The following CUX2 variants were observed in gnomAD, a reference collection of about 807,000 sequenced individuals.
CUX2 encodes cut like homeobox 2, also known as homeobox protein cut-like 2.
In CUX2, 40 loss-of-function variants were observed where a neutral mutation model predicts 144.8. The observed-to-expected ratio is 0.28, with a 90% CI of 0.21 to 0.36. The LOEUF (loss-of-function observed/expected upper bound fraction) is 0.36, where lower values mean the gene tolerates loss of function less well. Among genes scored for constraint, CUX2 ranks in the 10% least tolerant of loss-of-function variants. The pLI is 1.00. For synonymous variants in CUX2, 827 were observed against 875.6 expected (o/e 0.94, Z 0.98); for missense variants, 1,615 against 1,994.0 (o/e 0.81, Z 3.62).
chr12:111,255,127 G>A lies in CUX2; in HGVS notation c.223-8634G>A, dbSNP rs111282541. Among the ~76,000 whole-genome samples the A allele has an allele frequency of 0.055, 8,322 of 152,132 alleles. 751 individuals are homozygous for A. The highest frequency in any genetic ancestry group is 0.19 in the African/African-American group (7,839 of 41,464). ...GCTGGGATTACAGGCGTGAGCCACC[G>A]CACCCAACCTTAATCAGTCTTTAGA... On this transcript the variant is annotated intron_variant, in intron 3 of 21. Coordinates refer to ENST00000261726, the MANE Select transcript of CUX2 (RefSeq NM_015267.4). This position sits in a 1 kb window ranked among gnomAD's most constrained non-coding sequence, Gnocchi z 4.1.
At chr12:111,089,899 C>T (rs1456640661) in intron 1 of CUX2, among the ~76,000 whole-genome samples, 3 of 152,184 alleles carry the variant, frequency 2.0e-5, no homozygotes, top group African/African-American at 7.2e-5. Context: ...TCAGGGGGCT[C>T]ATGGGCAGAT....
intron 1 of CUX2, among the ~76,000 whole-genome samples, chr12:111,174,313 G>A (rs1035635704): frequency 3.9e-5 from 6 of 152,220 alleles, no homozygotes; most frequent in Non-Finnish European, 7.3e-5. Context: ...GGCATGGAGA[G>A]GCACGGGACG....
chr12:111,169,883 C>T (rs1260746622), intron 1 of CUX2, among the ~76,000 whole-genome samples: 1 of 151,958 alleles, frequency 6.6e-6, no homozygotes, highest in Admixed American at 6.6e-5. Flanking sequence ...CCAGGGTGGT[C>T]CAGAGGGCAT....
Position 111,191,658 on chromosome 12 carries a change from G to A in CUX2, c.64-22542G>A, listed in dbSNP as rs150546698. On this transcript the variant is annotated intron_variant, in intron 1 of 21. Transcript: ENST00000261726. ...TGTTATTCTTATGACTGGTCTGCCCGTGCCCAGGTTCTCTCCACCTGCCTT... is the reference window on the plus strand; with the variant it reads ...TGTTATTCTTATGACTGGTCTGCCCATGCCCAGGTTCTCTCCACCTGCCTT... Among the ~76,000 whole-genome samples the A allele has an allele frequency of 1.1e-3, 160 of 152,242 alleles. 1 individual carries two copies. Among genetic ancestry groups the A allele is most frequent in the African/African-American group, 3.3e-3 (138 of 41,532 alleles).
chr12:111,266,022 T>C (rs1884367551), intron 4 of CUX2, among the ~76,000 whole-genome samples: 1 of 152,190 alleles, frequency 6.6e-6, no homozygotes, highest in South Asian at 2.1e-4. Flanking sequence ...GGGGCAACTG[T>C]AGTGGGTTGG....
chr12:111,277,247 G>A lies in CUX2; in HGVS notation c.301+13408G>A, dbSNP rs979522492. Among the ~76,000 whole-genome samples, 5 of 152,156 alleles carry A rather than the reference G, an allele frequency of 3.3e-5. No homozygotes were observed. The highest frequency in any genetic ancestry group is 6.5e-5 in the Admixed American group (1 of 15,280). On this transcript the variant is annotated intron_variant, in intron 4 of 21. Coordinates refer to ENST00000261726, the MANE Select transcript of CUX2 (RefSeq NM_015267.4). The surrounding 1 kb of genome is among the most constrained non-coding windows in gnomAD (Gnocchi z 5.0). ...CCGCCCTCCCAGCCTGCGCAGGGAG[G>A]GGAAAGGAGATTGGCACTGGGCGTC...
At chr12:111,227,997 G>A (rs1237470777) in intron 3 of CUX2, among the ~76,000 whole-genome samples, 2 of 152,294 alleles carry the variant, frequency 1.3e-5, no homozygotes, top group Non-Finnish European at 2.9e-5. Flanking sequence ...CGTTACGGTT[G>A]AGTTTCACAA....
At chr12:111,172,567 G>C (rs1015219507) in intron 1 of CUX2, among the ~76,000 whole-genome samples, 1 of 152,224 alleles carries the variant, frequency 6.6e-6, no homozygotes, top group Non-Finnish European at 1.5e-5. Context: ...CTCCGGGAGG[G>C]TGGTTCAGTG....
intron 1 of CUX2, among the ~76,000 whole-genome samples, chr12:111,097,853 G>A (rs1872920230): frequency 6.6e-6 from 1 of 152,198 alleles, no homozygotes; most frequent in Admixed American, 6.5e-5. Context: ...AGGCTCCAGG[G>A]CGTGTGAGTC....
At chr12:111,258,771 G>A (rs1883962479) in intron 3 of CUX2, among the ~76,000 whole-genome samples, 1 of 152,068 alleles carries the variant, frequency 6.6e-6, no homozygotes, top group South Asian at 2.1e-4. Flanking sequence ...CTGCAGCCTC[G>A]AACTCCTGGG....
intron 6 of CUX2, among the ~76,000 whole-genome samples, chr12:111,294,623 G>A (rs564033251): frequency 4.6e-5 from 7 of 151,550 alleles, no homozygotes; most frequent in South Asian, 2.1e-4. Context: ...CAGGCCGGGC[G>A]TGGTGGCTCA....
chr12:111,094,351 G>T (rs1398358418), intron 1 of CUX2, among the ~76,000 whole-genome samples: 1 of 152,228 alleles, frequency 6.6e-6, no homozygotes, highest in Non-Finnish European at 1.5e-5. Flanking sequence ...GGGACCGGGA[G>T]CGGGCAGAGG....
chr12:111,127,989 T>G (rs1016343194), intron 1 of CUX2, among the ~76,000 whole-genome samples: 8 of 152,194 alleles, frequency 5.3e-5, no homozygotes, highest in African/African-American at 1.9e-4. Flanking sequence ...ATTATTACAA[T>G]TCAAGGTGAG....
At position 111,307,262 on chromosome 12, in the gene CUX2, C is replaced by T. The variant is rs1886635006; in HGVS notation, c.1109+5C>T. On this transcript the variant is annotated splice_donor_5th_base_variant and intron_variant, in intron 12 of 21. Transcript: ENST00000261726. The surrounding 1 kb of genome is among the most constrained non-coding windows in gnomAD (Gnocchi z 4.1). ...GGAAATTAAAACGGAGCTGAGGTAC[C>T]ATGTGGGGTGGGGCTCCACAGACCC... 6.2e-7 allele frequency: 1 copy of T among 1,613,716 alleles called. No individual in the cohort carries two copies. Among genetic ancestry groups the T allele is most frequent in the African/African-American group, 1.3e-5 (1 of 74,934 alleles).
At chr12:111,167,208 C>T (rs905784537) in intron 1 of CUX2, among the ~76,000 whole-genome samples, 2 of 152,170 alleles carry the variant, frequency 1.3e-5, no homozygotes, top group African/African-American at 4.8e-5. Flanking sequence ...AAGGGAAGCA[C>T]CATCCCCTGT....
chr12:111,207,595 T>A (rs1432569963), intron 1 of CUX2, among the ~76,000 whole-genome samples: 1 of 152,172 alleles, frequency 6.6e-6, no homozygotes, highest in Non-Finnish European at 1.5e-5. Context: ...CATCTTTGTT[T>A]CTGAAACCTG....
intron 1 of CUX2, among the ~76,000 whole-genome samples, chr12:111,046,063 C>T (rs1202104102): frequency 6.6e-6 from 1 of 152,172 alleles, no homozygotes; most frequent in African/African-American, 2.4e-5. Context: ...CACCTGAACT[C>T]CAGCCAGGTG....
chr12:111,254,942 C>T (rs1013417010), intron 3 of CUX2, among the ~76,000 whole-genome samples: 6 of 152,148 alleles, frequency 3.9e-5, no homozygotes, highest in South Asian at 2.1e-4. Context: ...CTCTGCCTCC[C>T]GGGTTCAAGA....
At position 111,037,941 on chromosome 12, in the gene CUX2, T is replaced by G. The variant is rs1485359398; in HGVS notation, c.63+3701T>G. ...TGTTTCTGGGGAGAAAGGAGCTTGG[T>G]CAATAGGATTACATAGTACTAATCT... On this transcript the variant is annotated intron_variant, in intron 1 of 21. Transcript: ENST00000261726. This position sits in a 1 kb window ranked among gnomAD's most constrained non-coding sequence, Gnocchi z 5.4. Among the ~76,000 whole-genome samples, 1 of 152,144 alleles carries G rather than the reference T, an allele frequency of 6.6e-6. No homozygotes were observed. Among genetic ancestry groups the G allele is most frequent in the Non-Finnish European group, 1.5e-5 (1 of 68,018 alleles).
Sources: gnomAD v4.1 joint callset for allele counts (sites outside exome capture counted in the v4.1 genomes callset) on GRCh38, gnomAD v4.1.1 for gene constraint, Gnocchi (gnomAD v3.1) non-coding constraint, MANE v1.5 for transcripts, NCBI Gene and HGNC (gene_info 2026-07-23, HGNC 2026-07-21) for gene names.